The following MTHFD2L variants were observed in gnomAD, a reference collection of about 807,000 sequenced individuals.
MTHFD2L encodes bifunctional methylenetetrahydrofolate dehydrogenase/cyclohydrolase 2, mitochondrial.
MTHFD2L carries 29 observed loss-of-function variants against 34.9 expected under a neutral mutation model. The ratio of observed to expected loss-of-function variants is 0.83; its 90% CI spans 0.62 to 1.13. The LOEUF (loss-of-function observed/expected upper bound fraction) is 1.13, where lower values mean the gene tolerates loss of function less well. Ranked by LOEUF, MTHFD2L falls within the 50% of genes most tolerant of loss-of-function variation. The probability of loss-of-function intolerance (pLI) is 0.00; values close to 1 mark genes in which losing one functional copy is unlikely to be tolerated. For missense variants in MTHFD2L, 481 were observed against 446.5 expected, an observed-to-expected ratio of 1.08 and a Z score of -0.70; for synonymous variants, 167 against 155.7, an observed-to-expected ratio of 1.07 and a Z score of -0.54.
At chr4:74,193,677 T>C (rs959686836) in intron 3 of MTHFD2L, among the ~76,000 whole-genome samples, 1 of 152,212 alleles carries the variant, frequency 6.6e-6, no homozygotes. Context: ...TTTTATGATT[T>C]GTCAGCTATT....
Position 74,150,771 on chromosome 4 carries a change from G to A in MTHFD2L, c.-296-9284G>A, listed in dbSNP as rs57943739. Among the ~76,000 whole-genome samples the A allele has an allele frequency of 6.6e-3, 1,000 of 151,446 alleles. 8 individuals carry two copies. The highest frequency in any genetic ancestry group is 0.025 in the South Asian group (122 of 4,806). On this transcript the variant is annotated intron_variant, in intron 1 of 7. Coordinates refer to the MTHFD2L transcript ENST00000433372. ...CAGGTATACATGTGTATATGTATAC[G>A]TGTGTGTGTGTATATATATATAAAT...
chr4:74,136,972 A>G (rs1722979910), intron 1 of MTHFD2L, among the ~76,000 whole-genome samples: 1 of 152,124 alleles, frequency 6.6e-6, no homozygotes, highest in African/African-American at 2.4e-5. Flanking sequence ...ATTAAATCAA[A>G]ATGAATTAAA....
chr4:74,144,948 A>G (rs563882406), intron 1 of MTHFD2L, among the ~76,000 whole-genome samples: 1 of 152,326 alleles, frequency 6.6e-6, no homozygotes, highest in African/African-American at 2.4e-5. Flanking sequence ...GATTATCCAT[A>G]GCTAACAGCA....
intron 7 of MTHFD2L, among the ~76,000 whole-genome samples, chr4:74,288,660 C>T (rs748536509): frequency 2.6e-5 from 4 of 152,138 alleles, no homozygotes; most frequent in Non-Finnish European, 4.4e-5. Flanking sequence ...AAAGCATGCT[C>T]CACTTACTAA....
chr4:74,156,293 T>G (rs562746234), upstream of MTHFD2L, among the ~76,000 whole-genome samples: 1 of 152,292 alleles, frequency 6.6e-6, no homozygotes, highest in East Asian at 1.9e-4. Flanking sequence ...GACTCTATAA[T>G]TTTGCCTTTT....
rs117991737 is a variant in MTHFD2L, at chr4:74,236,154, C to T, written c.805+10760C>T. Among the ~76,000 whole-genome samples the T allele has an allele frequency of 1.2e-3, 187 of 152,242 alleles. 4 individuals are homozygous for T. The East Asian group carries it at 0.035, about 29-fold the overall frequency. On this transcript the variant is annotated intron_variant, in intron 6 of 7. Coordinates refer to ENST00000325278, the MANE Select transcript of MTHFD2L (RefSeq NM_001144978.3). ...AGTTAATTTCTATTATCTGACTTGT[C>T]CAGGTTACCAGCTTGATCTGATTTT...
At chr4:74,122,734 A>G (rs1721825072), upstream of MTHFD2L, among the ~76,000 whole-genome samples, 1 of 152,210 alleles carries the variant, frequency 6.6e-6, no homozygotes, top group South Asian at 2.1e-4. Context: ...GGATCCTGAA[A>G]CAGTTTTATC....
intron 6 of MTHFD2L, among the ~76,000 whole-genome samples, chr4:74,244,508 A>G (rs1056957226): frequency 1.2e-5 from 1 of 85,734 alleles, no homozygotes; most frequent in African/African-American, 2.7e-5. Context: ...CAGCTTTGTA[A>G]TACTTATATG....
chr4:74,149,429 C>T (rs1723794900), intron 1 of MTHFD2L, among the ~76,000 whole-genome samples: 1 of 146,982 alleles, frequency 6.8e-6, no homozygotes. Context: ...ATTATAGCTA[C>T]ATGCAACAAA....
chr4:74,279,905 T>C (rs190786831), intron 6 of MTHFD2L, among the ~76,000 whole-genome samples: 1 of 152,206 alleles, frequency 6.6e-6, no homozygotes, highest in Non-Finnish European at 1.5e-5. Flanking sequence ...CCTACAGCTA[T>C]ATCTATGTTG....
chr4:74,243,975 C>T (rs1742069865), intron 6 of MTHFD2L, among the ~76,000 whole-genome samples: 2 of 152,136 alleles, frequency 1.3e-5, no homozygotes, highest in South Asian at 2.1e-4. Context: ...GGAACAATCT[C>T]TTGTTACTAT....
chr4:74,200,675 T>A (rs914991082), intron 4 of MTHFD2L, among the ~76,000 whole-genome samples: 2 of 152,138 alleles, frequency 1.3e-5, no homozygotes, highest in Non-Finnish European at 2.9e-5. Flanking sequence ...GGAAAACAGA[T>A]CCTAGAATCA....
At chr4:74,235,760 T>C (rs1228911557) in intron 6 of MTHFD2L, among the ~76,000 whole-genome samples, 1 of 152,176 alleles carries the variant, frequency 6.6e-6, no homozygotes, top group Non-Finnish European at 1.5e-5. Flanking sequence ...CCTATTCTTA[T>C]TCCAGCATCT....
intron 7 of MTHFD2L, among the ~76,000 whole-genome samples, chr4:74,287,781 G>A (rs1443060099): frequency 6.6e-6 from 1 of 152,182 alleles, no homozygotes; most frequent in East Asian, 1.9e-4. Context: ...TCCCATAAAA[G>A]TCTGGAATTA....
chr4:74,175,930 T>C (rs550006338), intron 3 of MTHFD2L, among the ~76,000 whole-genome samples: 25 of 152,220 alleles, frequency 1.6e-4, no homozygotes, highest in African/African-American at 5.3e-4. Flanking sequence ...TCTAATTCTA[T>C]AACTTATCAT....
chr4:74,192,445 A>C (rs1174458953), intron 3 of MTHFD2L, among the ~76,000 whole-genome samples: 2 of 152,182 alleles, frequency 1.3e-5, no homozygotes, highest in Non-Finnish European at 2.9e-5. Context: ...AGAACACTTA[A>C]TATACCCCTA....
At chr4:74,247,289 T>C (rs1424117651) in intron 6 of MTHFD2L, among the ~76,000 whole-genome samples, 4 of 152,056 alleles carry the variant, frequency 2.6e-5, no homozygotes, top group Admixed American at 1.3e-4. Context: ...TTGTCTGTTA[T>C]TGGTTTATAA....
chr4:74,159,773 C>T (rs1322697388), intron 1 of MTHFD2L, among the ~76,000 whole-genome samples: 1 of 152,186 alleles, frequency 6.6e-6, no homozygotes, highest in Non-Finnish European at 1.5e-5. Context: ...TATCCCTATG[C>T]ACTGTAAGAG....
chr4:74,193,569 TG>T (rs1732948559), intron 3 of MTHFD2L, among the ~76,000 whole-genome samples: 1 of 152,220 alleles, frequency 6.6e-6, no homozygotes, highest in Non-Finnish European at 1.5e-5. Flanking sequence ...TCTATGAACA[TG>T]GTATGCCTTT....
Sources: gnomAD v4.1 joint callset for allele counts (sites outside exome capture counted in the v4.1 genomes callset) on GRCh38, gnomAD v4.1.1 for gene constraint, MANE v1.5 for transcripts, NCBI Gene and HGNC (gene_info 2026-07-23, HGNC 2026-07-21) for gene names.